Variants in C9orf153 observed in about 807,000 individuals in gnomAD.
C9orf153 encodes chromosome 9 open reading frame 153.
Under a neutral mutation model 9.0 loss-of-function variants are expected in C9orf153, and 10 were observed. The ratio of observed to expected loss-of-function variants is 1.11; its 90% CI spans 0.69 to 1.89. The LOEUF (loss-of-function observed/expected upper bound fraction) is 1.89. C9orf153 is among the 40% of genes most tolerant of loss of function. C9orf153 has a pLI of 0.00. For synonymous variants in C9orf153, 35 were observed against 37.3 expected, an observed-to-expected ratio of 0.94 and a Z score of 0.23; for missense variants, 108 against 111.0, an observed-to-expected ratio of 0.97 and a Z score of 0.12.
chr9:86,229,376 C>A (rs1335284255), intron 2 of C9orf153, among the ~76,000 whole-genome samples, 162 bp downstream of exon 2: 2 of 152,078 alleles, frequency 1.3e-5, no homozygotes, highest in African/African-American at 2.4e-5. Flanking sequence ...CTGGGAAGAG[C>A]TACACTTCTC....
chr9:86,239,253 C>T (rs1248457513), intron 1 of C9orf153, among the ~76,000 whole-genome samples: 1 of 138,576 alleles, frequency 7.2e-6, no homozygotes, highest in Non-Finnish European at 1.5e-5. Context: ...GAGTGAGACT[C>T]TGTTAAAAAA....
chr9:86,232,496 C>T (rs1336858238), intron 1 of C9orf153, among the ~76,000 whole-genome samples: 1 of 152,114 alleles, frequency 6.6e-6, no homozygotes, highest in Non-Finnish European at 1.5e-5. Context: ...GACTGTGGCA[C>T]TTCTCTTCAT....
At chr9:86,251,333 G>A (rs73650941) in intron 1 of C9orf153, among the ~76,000 whole-genome samples, 5,579 of 152,136 alleles carry the variant, frequency 0.037, 376 homozygotes, top group African/African-American at 0.13. Flanking sequence ...AAAAACTTTC[G>A]TTAGAGTCTA....
chr9:86,255,359 T>C (rs1825098176), intron 1 of C9orf153, among the ~76,000 whole-genome samples: 2 of 152,216 alleles, frequency 1.3e-5, no homozygotes, highest in South Asian at 4.1e-4. Flanking sequence ...GAAGTAGCCC[T>C]GCAAAGTTGT....
intron 1 of C9orf153, among the ~76,000 whole-genome samples, chr9:86,256,089 A>G (rs1301145453): frequency 6.6e-5 from 10 of 152,238 alleles, no homozygotes; most frequent in Non-Finnish European, 1.2e-4. Context: ...CATGAGCACA[A>G]TGTGCATTCA....
chr9:86,257,574 T>C (rs1180442220), intron 1 of C9orf153, among the ~76,000 whole-genome samples: 1 of 152,216 alleles, frequency 6.6e-6, no homozygotes, highest in Non-Finnish European at 1.5e-5. Context: ...CCTTGATCCC[T>C]TACCCTTGAG....
intron 1 of C9orf153, among the ~76,000 whole-genome samples, chr9:86,251,718 T>G (rs924854396): frequency 2.0e-5 from 3 of 152,258 alleles, no homozygotes; most frequent in Non-Finnish European, 2.9e-5. Context: ...TAAGAGGTTA[T>G]AAAAGGTTTA....
At chr9:86,253,314 A>T (rs183247695) in intron 1 of C9orf153, among the ~76,000 whole-genome samples, 114 of 152,312 alleles carry the variant, frequency 7.5e-4, no homozygotes, top group African/African-American at 2.6e-3. Flanking sequence ...TATCTTGTCT[A>T]CAGTTTCTTT....
At chr9:86,237,929 A>G (rs1449855010) in intron 1 of C9orf153, among the ~76,000 whole-genome samples, 4 of 152,018 alleles carry the variant, frequency 2.6e-5, no homozygotes, top group Admixed American at 2.6e-4. Flanking sequence ...AAACGTAAAA[A>G]AATTAGCCAG....
At chr9:86,230,739 C>T (rs1442135955) in intron 1 of C9orf153, among the ~76,000 whole-genome samples, 1 of 152,144 alleles carries the variant, frequency 6.6e-6, no homozygotes. Context: ...ATAATAAAAA[C>T]AATAAATATT....
At chr9:86,249,822 C>T (rs146548165) in intron 1 of C9orf153, among the ~76,000 whole-genome samples, 2 of 152,352 alleles carry the variant, frequency 1.3e-5, no homozygotes, top group East Asian at 3.9e-4. Context: ...GCTGGGATTA[C>T]AGGCATGAGA....
In C9orf153 at chr9:86,233,713, G is replaced by A. The variant is rs181824026; in HGVS notation, c.-26-4084C>T. On this transcript the variant is annotated intron_variant, in intron 1 of 3. Coordinates refer to ENST00000339137, the MANE Select transcript of C9orf153 (RefSeq NM_001276366.4). ...ATTACAGGTGTGAGCCACTGTGCTC[G>A]TCCAATTTATAAATTTCTTGACCAG... Among the ~76,000 whole-genome samples, 19 of 152,248 alleles carry A rather than the reference G, an allele frequency of 1.2e-4. No individual in the cohort carries two copies. The East Asian group carries it at 3.1e-3, about 25-fold the overall frequency.
chr9:86,258,328 TGAGA>T (rs1457184839), intron 1 of C9orf153: 1 of 119,236 alleles, frequency 8.4e-6, no homozygotes, highest in East Asian at 2.4e-4. Flanking sequence ...GGCGACAGAG[TGAGA>T]CTTTGTCTCA....
intron 1 of C9orf153, among the ~76,000 whole-genome samples, chr9:86,253,754 C>A (rs1008960568): frequency 2.0e-5 from 3 of 152,114 alleles, no homozygotes; most frequent in African/African-American, 7.2e-5. Context: ...GCCACAGTGC[C>A]CAGCTCTTGC....
intron 3 of C9orf153, 123 bp from the exon 4 acceptor site, chr9:86,221,856 G>A: frequency 1.8e-6 from 1 of 549,946 alleles, no homozygotes. Context: ...CTGGCAGAAA[G>A]CCATTTCTAA....
chr9:86,240,849 T>C (rs921173837), intron 1 of C9orf153, among the ~76,000 whole-genome samples: 3 of 150,382 alleles, frequency 2.0e-5, no homozygotes, highest in Admixed American at 6.6e-5. Context: ...GCTAGGACTA[T>C]AGATGTGCAC....
At chr9:86,239,257 TAA>T (rs57839282) in intron 1 of C9orf153, among the ~76,000 whole-genome samples, 2 of 145,250 alleles carry the variant, frequency 1.4e-5, no homozygotes, top group Admixed American at 6.9e-5. Context: ...GAGACTCTGT[TAA>T]AAAAAAAAAA....
chr9:86,253,266 T>C (rs1386416482), intron 1 of C9orf153, among the ~76,000 whole-genome samples: 1 of 152,226 alleles, frequency 6.6e-6, no homozygotes, highest in East Asian at 1.9e-4. Flanking sequence ...GTTGACTTTA[T>C]GCAGCTGATA....
Position 86,221,120 on chromosome 9 carries a change from C to G in C9orf153, c.*568G>C, listed in dbSNP as rs1824190698. The G allele has an allele frequency of 6.6e-6, 1 of 152,120 alleles. No individual in the cohort carries two copies. Among genetic ancestry groups the G allele is most frequent in the African/African-American group, 2.4e-5 (1 of 41,432 alleles). The allele number at this position is 152,120 out of a possible 1,614,324, so 9.4% of individuals were successfully genotyped here. On this transcript the variant is annotated 3_prime_UTR_variant, in exon 4 of 4. Coordinates refer to ENST00000339137, the MANE Select transcript of C9orf153 (RefSeq NM_001276366.4). ...ATTATATTTAAGTTCTCATATTGAT[C>G]TCTATATGCTCAGATGTTAATTTGT...
Sources: allele counts gnomAD v4.1 joint callset (sites outside exome capture counted in the v4.1 genomes callset), GRCh38; gene constraint gnomAD v4.1.1; transcripts MANE v1.5; gene names NCBI Gene and HGNC (gene_info 2026-07-23, HGNC 2026-07-21).